Variants in DDC observed in about 807,000 individuals in gnomAD.
DDC encodes the protein dopa decarboxylase.
Under a neutral mutation model 60.0 loss-of-function variants are expected in DDC, and 43 were observed. That is an observed-to-expected ratio of 0.72 (90% CI 0.56 to 0.92). DDC has a LOEUF of 0.92. Among genes scored for constraint, DDC ranks in the 40% least tolerant of loss-of-function variants. The pLI, the probability that DDC is intolerant of heterozygous loss-of-function variation, is 0.00. For synonymous variants in DDC, 232 were observed against 234.6 expected, an observed-to-expected ratio of 0.99 and a Z score of 0.10; for missense variants, 573 against 620.2, an observed-to-expected ratio of 0.92 and a Z score of 0.81.
At position 50,531,438 on chromosome 7, in the gene DDC, C is replaced by T. The variant is rs776661129; in HGVS notation, c.436-2096G>A. On this transcript the variant is annotated intron_variant, in intron 4 of 14. Transcript: ENST00000444124. Reference sequence around the variant, plus strand: ...CCTGTTCTGATGCTTGACAAGCAGGCGTGACTGCAGCTTCCCCGGCTAAAT... The same window carrying T: ...CCTGTTCTGATGCTTGACAAGCAGGTGTGACTGCAGCTTCCCCGGCTAAAT... Among the ~76,000 whole-genome samples, 4 of 152,076 alleles carry T rather than the reference C, an allele frequency of 2.6e-5. No homozygotes were observed. In the East Asian group the frequency reaches 5.8e-4, roughly 22 times the overall value.
At chr7:50,500,565 C>A (rs1469653463) in intron 7 of DDC, among the ~76,000 whole-genome samples, 1 of 152,184 alleles carries the variant, frequency 6.6e-6, no homozygotes, top group Non-Finnish European at 1.5e-5. Flanking sequence ...AATCCTAAGG[C>A]CTTGTGCTCT....
intron 1 of DDC, among the ~76,000 whole-genome samples, chr7:50,564,798 C>A (rs1460376674): frequency 6.6e-6 from 1 of 152,076 alleles, no homozygotes; most frequent in Non-Finnish European, 1.5e-5. Flanking sequence ...ATAACATACA[C>A]CAAAAGGAGA....
At chr7:50,532,093 T>G in intron 4 of DDC, among the ~76,000 whole-genome samples, 1 of 152,242 alleles carries the variant, frequency 6.6e-6, no homozygotes, top group East Asian at 1.9e-4. Flanking sequence ...ATCACTGCGC[T>G]GACGCCCACA....
intron 1 of DDC, among the ~76,000 whole-genome samples, chr7:50,548,737 A>T (rs902416324): frequency 1.3e-5 from 2 of 152,250 alleles, no homozygotes; most frequent in Non-Finnish European, 2.9e-5. Flanking sequence ...CAGCAAAGAT[A>T]ATCCATGAAG....
chr7:50,562,737 G>C (rs1395251100), intron 1 of DDC, among the ~76,000 whole-genome samples: 1 of 152,218 alleles, frequency 6.6e-6, no homozygotes, highest in Non-Finnish European at 1.5e-5. Flanking sequence ...CCTTCACCCT[G>C]CACACGGCTT....
chr7:50,533,345 G>A (rs1038661103), intron 4 of DDC, among the ~76,000 whole-genome samples: 2 of 151,516 alleles, frequency 1.3e-5, no homozygotes, highest in Non-Finnish European at 2.9e-5. Context: ...ACCCCGACTG[G>A]AGTGCAGTGG....
intron 9 of DDC, among the ~76,000 whole-genome samples, chr7:50,490,742 G>T (rs1201330859): frequency 2.0e-5 from 3 of 152,158 alleles, no homozygotes; most frequent in African/African-American, 7.2e-5. Flanking sequence ...TTTATGAAAA[G>T]GTTCCAACAA....
chr7:50,463,555 C>T, intron 13 of DDC, 124 bp from the exon 14 acceptor site: 1 of 820,472 alleles, frequency 1.2e-6, no homozygotes. Context: ...ACTAACCATC[C>T]CCCTTGCGTT....
chr7:50,500,698 C>G (rs191186272), intron 7 of DDC, among the ~76,000 whole-genome samples: 1 of 152,250 alleles, frequency 6.6e-6, no homozygotes, highest in Non-Finnish European at 1.5e-5. Flanking sequence ...TTTGGCCTCC[C>G]ATGCCCTGGG....
At chr7:50,511,650 A>G (rs1440211673) in intron 6 of DDC, among the ~76,000 whole-genome samples, 2 of 152,186 alleles carry the variant, frequency 1.3e-5, no homozygotes, top group African/African-American at 4.8e-5. Context: ...AATTGCTTGA[A>G]TCTGGGAGGC....
At chr7:50,472,148 CCT>C (rs2042547139) in intron 11 of DDC, among the ~76,000 whole-genome samples, 1 of 152,136 alleles carries the variant, frequency 6.6e-6, no homozygotes, top group Non-Finnish European at 1.5e-5. Flanking sequence ...AGCTGTGACC[CCT>C]GTGTACCCAG....
At chr7:50,535,974 A>G (rs976853772) in intron 4 of DDC, among the ~76,000 whole-genome samples, 6 of 152,198 alleles carry the variant, frequency 3.9e-5, no homozygotes, top group African/African-American at 1.4e-4. Flanking sequence ...AGGAAAATAA[A>G]TCTTGGGACC....
intron 1 of DDC, among the ~76,000 whole-genome samples, chr7:50,555,070 G>T (rs2045135313): frequency 6.6e-6 from 1 of 152,162 alleles, no homozygotes; most frequent in African/African-American, 2.4e-5. Context: ...GGGAGAGACT[G>T]TGCTCCTGGA....
chr7:50,473,528 A>G (rs1341840894), intron 11 of DDC, among the ~76,000 whole-genome samples: 3 of 152,218 alleles, frequency 2.0e-5, no homozygotes, highest in Admixed American at 6.5e-5. Flanking sequence ...CTGTGAACAC[A>G]TGATGTGCCA....
At chr7:50,524,529 T>C (rs1381975757) in intron 6 of DDC, among the ~76,000 whole-genome samples, 1 of 152,204 alleles carries the variant, frequency 6.6e-6, no homozygotes, top group African/African-American at 2.4e-5. Context: ...AAGACACATG[T>C]CATTGACGAG....
At position 50,512,620 on chromosome 7, in the gene DDC, T is replaced by A. The variant is rs2043611496; in HGVS notation, c.715-8561A>T. 2.0e-5 allele frequency among the ~76,000 whole-genome samples: 3 copies of A among 152,220 alleles called. 1 individual carries two copies. The South Asian group carries it at 6.2e-4, about 32-fold the overall frequency. ...AGAGCCAAAGTGAGAAAAAGGGAAC[T>A]GTCCTCCAAATATTGGGAGTCTGCA... On this transcript the variant is annotated intron_variant, in intron 6 of 14. Coordinates refer to ENST00000444124, the MANE Select transcript of DDC (RefSeq NM_001082971.2).
chr7:50,544,138 A>G lies in DDC; in HGVS notation c.-28-25T>C, dbSNP rs2044728022. On this transcript the variant is annotated intron_variant, in intron 1 of 14. Transcript: ENST00000444124. The stretch of plus-strand genomic sequence containing the variant: ...ACTGCAGAAAGAAAATGATTCAGTG[A>G]GCAAATTTTGCAACCTCTGAACTGG... 3 of 1,588,614 alleles carry G rather than the reference A, an allele frequency of 1.9e-6. No homozygotes were observed. In the South Asian group the frequency reaches 3.3e-5, roughly 18 times the overall value.
intron 11 of DDC, among the ~76,000 whole-genome samples, chr7:50,470,410 T>C (rs2042503688): frequency 6.6e-6 from 1 of 152,232 alleles, no homozygotes; most frequent in Admixed American, 6.5e-5. Flanking sequence ...GAGCCAGTGA[T>C]GTTCATTGTT....
intron 1 of DDC, among the ~76,000 whole-genome samples, chr7:50,564,900 A>G (rs1019079524): frequency 6.6e-6 from 1 of 152,170 alleles, no homozygotes; most frequent in Non-Finnish European, 1.5e-5. Context: ...TAATCCTCAC[A>G]AGGTAGATAC....
Sources: allele counts gnomAD v4.1 joint callset (sites outside exome capture counted in the v4.1 genomes callset), GRCh38; gene constraint gnomAD v4.1.1; transcripts MANE v1.5; gene names NCBI Gene and HGNC (gene_info 2026-07-23, HGNC 2026-07-21).